Variants in KRT34 observed in about 807,000 individuals in gnomAD.
KRT34 encodes the protein keratin, type I cuticular Ha4.
A neutral mutation model predicts 41.7 loss-of-function variants in KRT34; 31 were observed. That is an observed-to-expected ratio of 0.74 (90% CI 0.56 to 1.00). KRT34 has a LOEUF of 1.00. Among genes scored for constraint, KRT34 ranks in the 50% least tolerant of loss-of-function variants. The probability of loss-of-function intolerance (pLI) is 0.00; values close to 1 mark genes in which losing one functional copy is unlikely to be tolerated. For synonymous variants in KRT34, 224 were observed against 212.9 expected (o/e 1.05, Z -0.45); for missense variants, 523 against 500.3 (o/e 1.05, Z -0.43).
At chr17:41,380,253 G>T (rs1316289604) in intron 3 of KRT34, among the ~76,000 whole-genome samples, 1 of 134,828 alleles carries the variant, frequency 7.4e-6, no homozygotes. Context: ...GCATGACTCC[G>T]TCAAAAAAAA....
intron 1 of KRT34, 33 bp downstream of exon 1, chr17:41,381,866 G>T: frequency 6.2e-7 from 1 of 1,612,996 alleles, no homozygotes; most frequent in Non-Finnish European, 8.5e-7. Context: ...AGAGCCAGCT[G>T]CTGCTGGCCC....
upstream of KRT34, among the ~76,000 whole-genome samples, chr17:41,383,072 T>A (rs955237013): frequency 6.6e-6 from 1 of 151,018 alleles, no homozygotes; most frequent in Non-Finnish European, 1.5e-5. Flanking sequence ...CAGGCTGGAG[T>A]GCAGTGGCAC....
chr17:41,381,699 G>T lies in KRT34; in HGVS notation c.431+14C>A, dbSNP rs767163858. ...GCCATGAAAGAACCATAGGGACCTT[G>T]AAGTTCAACATACTTGCTTCTGAAG... is the stretch of plus-strand genomic sequence containing the variant. On this transcript the variant is annotated intron_variant, in intron 2 of 6. Transcript: ENST00000394001. 5.0e-6 allele frequency: 8 copies of T among 1,612,010 alleles called. No homozygotes were observed. Among genetic ancestry groups the T allele is most frequent in the Non-Finnish European group, 6.8e-6 (8 of 1,178,146 alleles).
chr17:41,379,768 T>C, intron 3 of KRT34, 37 bp from the exon 4 acceptor site: 2 of 1,557,690 alleles, frequency 1.3e-6, no homozygotes, highest in Non-Finnish European at 1.7e-6. Flanking sequence ...CCTACGGCAA[T>C]GGATCTGCCA....
intron 3 of KRT34, among the ~76,000 whole-genome samples, chr17:41,380,432 C>T (rs1156499695): frequency 6.6e-6 from 1 of 152,200 alleles, no homozygotes; most frequent in Non-Finnish European, 1.5e-5. Flanking sequence ...AGTCCTTCCT[C>T]GCTTCCCATC....
At position 41,379,493 on chromosome 17, in the gene KRT34, T is replaced by G. The variant is rs1257788011; in HGVS notation, c.751-15A>C. On this transcript the variant is annotated splice_polypyrimidine_tract_variant and intron_variant, in intron 4 of 6. Transcript: ENST00000394001. ...AGCTCCTCGGTCTGAAACACCCAAG[T>G]GGGGAAAGGATCAGACCCTGTCTCC... 4.3e-6 allele frequency: 7 copies of G among 1,614,070 alleles called. No individual in the cohort carries two copies. The East Asian group carries it at 6.7e-5, about 15-fold the overall frequency.
At chr17:41,383,534 A>T (rs1236558408), upstream of KRT34, among the ~76,000 whole-genome samples, 2 of 152,238 alleles carry the variant, frequency 1.3e-5, no homozygotes, top group African/African-American at 4.8e-5. Context: ...TGCTGGAAAC[A>T]GTCTGGAGCA....
At chr17:41,380,768 C>T (rs147007467) in intron 3 of KRT34, among the ~76,000 whole-genome samples, 1,559 of 152,202 alleles carry the variant, frequency 0.01, 30 homozygotes, top group African/African-American at 0.036. Context: ...TTTTGTCCCT[C>T]CATCTCCACC....
chr17:41,377,858 AAGG>A lies in KRT34; in HGVS notation c.*198_*200del. On this transcript the variant is annotated 3_prime_UTR_variant, in exon 7 of 7. Transcript: ENST00000394001. The stretch of plus-strand genomic sequence containing the variant: ...ACAAACAGGCTCGACCCTCAACAGG[AAGG>A]AGTTGTCCAGACATTGGAAGTTGAT... 1.8e-6 allele frequency: 1 copy of A among 545,380 alleles called. No homozygotes were observed. The highest frequency in any genetic ancestry group is 2.8e-5 in the East Asian group (1 of 35,880). The allele number at this position is 545,380 out of a possible 1,614,324, so 33.8% of individuals were successfully genotyped here.
intron 2 of KRT34, 99 bp downstream of exon 2, chr17:41,381,614 G>C: frequency 1.9e-6 from 2 of 1,053,998 alleles, no homozygotes; most frequent in Non-Finnish European, 2.8e-6. Context: ...ACCAGCCCTA[G>C]GAGGAGAAAT....
In KRT34 at chr17:41,382,271, G is replaced by A. The variant is rs2018010072; in HGVS notation, c.-25C>T. The A allele has an allele frequency of 1.9e-6, 3 of 1,612,998 alleles. No homozygotes were observed. Among genetic ancestry groups the A allele is most frequent in the Non-Finnish European group, 2.5e-6 (3 of 1,180,046 alleles). On this transcript the variant is annotated 5_prime_UTR_variant, in exon 1 of 7. Transcript: ENST00000394001. ...TGGTGCTGGAACAGGTAATGGAAAAGCAGGTAAGCTGCTGGAGGTGGATGT... is the reference window on the plus strand; with the variant it reads ...TGGTGCTGGAACAGGTAATGGAAAAACAGGTAAGCTGCTGGAGGTGGATGT...
rs1181036485 is a variant in KRT34 at position 41,379,651 on chromosome 17, C to T, written c.669G>A (p.Gln223=). ...VDTAPTVDLN[Q]VLNETRSQYE... is the part of the protein sequence containing the mutation. Reference sequence around the variant, plus strand: ...ACTGACTCCTGGTCTCGTTCAGGACCTGGTTCAGGTCCACAGTGGGGGCAG... The same window carrying T: ...ACTGACTCCTGGTCTCGTTCAGGACTTGGTTCAGGTCCACAGTGGGGGCAG... Residue 223 remains glutamine, a synonymous_variant, in exon 4 of 7, where the codon CAG becomes CAA. Coordinates refer to ENST00000394001, the MANE Select transcript of KRT34 (RefSeq NM_001386014.1). The T allele has an allele frequency of 6.2e-7, 1 of 1,614,202 alleles. No individual in the cohort carries two copies. Among genetic ancestry groups the T allele is most frequent in the African/African-American group, 1.3e-5 (1 of 75,068 alleles).
In KRT34 at chr17:41,379,027, C is replaced by A. The variant is rs759553168; in HGVS notation, c.1026G>T (p.Leu342=). The A allele has an allele frequency of 1.2e-6, 2 of 1,614,270 alleles. No individual in the cohort carries two copies. The highest frequency in any genetic ancestry group is 2.2e-5 in the South Asian group (2 of 91,092). The part of the protein sequence containing the change: ...LERQNQEYQV[L]LDVRARLECE... ...ACTCCAGCCGGGCACGCACGTCCAG[C>A]AGCACCTGGTACTCCTGGTTCTGCC... The change falls in exon 6 of 7, where the codon CTG becomes CTT. Residue 342 remains leucine (L), a synonymous_variant. Transcript: ENST00000394001.
rs200529690 is a variant in KRT34, at chr17:41,379,046, T to A, written c.1007A>T (p.Asn336Ile). The A allele has an allele frequency of 5.0e-6, 8 of 1,614,224 alleles. No homozygotes were observed. The highest frequency in any genetic ancestry group is 1.3e-5 in the African/African-American group (1 of 75,056). Residue 336 changes from asparagine to isoleucine, a missense_variant, in exon 6 of 7, where the codon AAC (asparagine) becomes ATC (isoleucine). By Grantham distance (149) the Asn-to-Ile change is moderately radical. Coordinates refer to ENST00000394001, the MANE Select transcript of KRT34 (RefSeq NM_001386014.1). ...AEIRCDLERQ[N>I]QEYQVLLDVR... The stretch of plus-strand genomic sequence containing the variant: ...GTCCAGCAGCACCTGGTACTCCTGG[T>A]TCTGCCGCTCCAGGTCACAGCGGAT...
chr17:41,382,362 G>T (rs569309278), upstream of KRT34: 4 of 1,610,154 alleles, frequency 2.5e-6, no homozygotes, highest in Non-Finnish European at 3.4e-6. Context: ...TGGGGGCTTG[G>T]CATACAGCAT....
At position 41,382,123 on chromosome 17, in the gene KRT34, T is replaced by C. The variant is rs369142223; in HGVS notation, c.124A>G (p.Ser42Gly). The C allele has an allele frequency of 6.8e-6, 11 of 1,612,352 alleles. No individual in the cohort carries two copies. Among genetic ancestry groups the C allele is most frequent in the Non-Finnish European group, 9.3e-6 (11 of 1,180,046 alleles). Residue 42 changes from serine (S) to glycine (G), a missense_variant, in exon 1 of 7, where the codon AGC (serine) becomes GGC (glycine). Physicochemically the swap from Ser to Gly is moderately conservative, Grantham distance 56. Transcript: ENST00000394001. Reference sequence around the variant, plus strand: ...CCCTCACAGAACCAGTTGCAGTTGCTCACATTGGCGGGGATGTTGCAGGCC... The same window carrying C: ...CCCTCACAGAACCAGTTGCAGTTGCCCACATTGGCGGGGATGTTGCAGGCC... ...PGACNIPANV[S>G]NCNWFCEGSF...
rs750849876 is a variant in KRT34 at position 41,382,194 on chromosome 17, G to A, written c.53C>T (p.Ser18Phe). Reference sequence around the variant, plus strand: ...GCAGCTGGGGGGCACGCAGGGCCGGGAGGAGCAGCTGGTGCGGCAGCCCAG... The same window carrying A: ...GCAGCTGGGGGGCACGCAGGGCCGGAAGGAGCAGCTGGTGCGGCAGCCCAG... The part of the protein sequence containing the change: ...PSLGCRTSCS[S>F]RPCVPPSCHG... Residue 18 changes from serine to phenylalanine, a missense_variant, in exon 1 of 7, where the codon TCC (serine) becomes TTC (phenylalanine). Physicochemically the swap from Ser to Phe is radical, Grantham distance 155. Coordinates refer to ENST00000394001, the MANE Select transcript of KRT34 (RefSeq NM_001386014.1). 5.0e-6 allele frequency: 8 copies of A among 1,612,350 alleles called. No homozygotes were observed. The Admixed American group carries it at 6.7e-5, about 13-fold the overall frequency.
chr17:41,381,600 C>T (rs749534814), intron 2 of KRT34, 113 bp downstream of exon 2: 45 of 935,858 alleles, frequency 4.8e-5, no homozygotes, highest in Middle Eastern at 2.4e-4. Context: ...ACTAATTTTA[C>T]ATAACCAGCC....
rs202220823 is a variant in KRT34, at chr17:41,382,054, C to G, written c.193G>C (p.Asp65His). 2.5e-6 allele frequency: 4 copies of G among 1,613,668 alleles called. No homozygotes were observed. The highest frequency in any genetic ancestry group is 3.4e-6 in the Non-Finnish European group (4 of 1,180,056). Residue 65 changes from aspartate to histidine, a missense_variant, in exon 1 of 7, where the codon GAC becomes CAC. Physicochemically the swap from Asp to His is moderately conservative, Grantham distance 81. Transcript: ENST00000394001. The stretch of plus-strand genomic sequence containing the variant: ...TTCTCCAGGTAGCTGGCCAGGCGGT[C>G]GTTCAGGAACTGCATAGTCTCCTTC... ...SEKETMQFLN[D>H]RLASYLEKVR...
Sources: allele counts gnomAD v4.1 joint callset (sites outside exome capture counted in the v4.1 genomes callset), GRCh38; gene constraint gnomAD v4.1.1; transcripts MANE v1.5; gene names NCBI Gene and HGNC (gene_info 2026-07-23, HGNC 2026-07-21).